Variants in CLIC5 observed in about 807,000 individuals in gnomAD.
CLIC5 encodes the protein CLIC family member 5, also known as chloride intracellular channel protein 5.
CLIC5 carries 20 observed loss-of-function variants against 24.7 expected under a neutral mutation model. The observed-to-expected ratio is 0.81, with a 90% confidence interval of 0.57 to 1.18. The LOEUF (loss-of-function observed/expected upper bound fraction) is 1.18, where lower values mean the gene tolerates loss of function less well. Among genes scored for constraint, CLIC5 ranks in the 50% most tolerant of loss-of-function variants. The pLI, the probability that CLIC5 is intolerant of heterozygous loss-of-function variation, is 0.00. For missense variants in CLIC5, 341 were observed against 326.1 expected, an observed-to-expected ratio of 1.05 and a Z score of -0.35; for synonymous variants, 159 against 135.6, an observed-to-expected ratio of 1.17 and a Z score of -1.20.
intron 1 of CLIC5, among the ~76,000 whole-genome samples, chr6:45,978,280 G>A (rs573755129): frequency 2.0e-5 from 3 of 152,168 alleles, no homozygotes; most frequent in South Asian, 2.1e-4. Context: ...TTCCATATCC[G>A]AGAACTTAGT....
At chr6:46,069,605 C>T (rs1344487009) in intron 1 of CLIC5, among the ~76,000 whole-genome samples, 6 of 151,800 alleles carry the variant, frequency 4.0e-5, no homozygotes, top group Non-Finnish European at 5.9e-5. Context: ...AAAAAAAAGC[C>T]CATGACCAGA....
At chr6:45,935,327 G>A (rs1763891461) in intron 4 of CLIC5, among the ~76,000 whole-genome samples, 2 of 152,232 alleles carry the variant, frequency 1.3e-5, no homozygotes, top group Admixed American at 6.5e-5. Flanking sequence ...CTTGCTAGAG[G>A]TGGAGGCACT....
chr6:45,958,447 T>C (rs372554436), intron 1 of CLIC5, among the ~76,000 whole-genome samples: 10,300 of 72,158 alleles, frequency 0.14, 1,866 homozygotes, highest in African/African-American at 0.37. Flanking sequence ...TATATATATA[T>C]ATATATATAT....
At chr6:46,028,540 C>T (rs1767406721) in intron 1 of CLIC5, among the ~76,000 whole-genome samples, 1 of 152,180 alleles carries the variant, frequency 6.6e-6, no homozygotes, top group Non-Finnish European at 1.5e-5. Context: ...TCCCATTTAT[C>T]AGTATTTGAA....
At chr6:45,962,208 A>G (rs1223236801) in intron 1 of CLIC5, among the ~76,000 whole-genome samples, 1 of 150,594 alleles carries the variant, frequency 6.6e-6, no homozygotes, top group Non-Finnish European at 1.5e-5. Context: ...ACACATATAT[A>G]TAATACATAT....
chr6:46,009,342 T>C (rs1242418857), intron 1 of CLIC5, among the ~76,000 whole-genome samples: 1 of 152,142 alleles, frequency 6.6e-6, no homozygotes, highest in African/African-American at 2.4e-5. Flanking sequence ...ACTTCTTTCT[T>C]GAAAGAAAAG....
chr6:46,129,258 C>T, the CLIC5 span, among the ~76,000 whole-genome samples: 44 of 152,296 alleles, frequency 2.9e-4, no homozygotes, highest in African/African-American at 9.1e-4. Context: ...AGATGCTATC[C>T]TCTCACTGCC....
chr6:46,028,051 C>T (rs926600497), intron 1 of CLIC5, among the ~76,000 whole-genome samples: 4 of 152,178 alleles, frequency 2.6e-5, no homozygotes, highest in African/African-American at 4.8e-5. Context: ...ATTAACACAG[C>T]GCAAAGTCAC....
the CLIC5 span, among the ~76,000 whole-genome samples, chr6:46,109,915 C>T: frequency 6.6e-6 from 1 of 152,018 alleles, no homozygotes; most frequent in Non-Finnish European, 1.5e-5. Flanking sequence ...TCTAAAACCC[C>T]TTGTGGCCTT....
In CLIC5 at chr6:45,914,294, C is replaced by T. The variant is rs1762931408; in HGVS notation, c.522G>A (p.Lys174=). 1.4e-5 allele frequency: 22 copies of T among 1,608,758 alleles called. No individual in the cohort carries two copies. The highest frequency in any genetic ancestry group is 1.9e-5 in the Non-Finnish European group (22 of 1,176,430). ...GGGTCAGCTCATCCCCATCCAGGAACTTGCGCCGGGACCCCTTGTCTTCCC... is the reference window on the plus strand; with the variant it reads ...GGGTCAGCTCATCCCCATCCAGGAATTTGCGCCGGGACCCCTTGTCTTCCC... ...TCGEDKGSRR[K]FLDGDELTLA... Residue 174 remains lysine, a synonymous_variant, in exon 5 of 6, where the codon AAG becomes AAA. Coordinates refer to ENST00000339561, the MANE Select transcript of CLIC5 (RefSeq NM_016929.5).
At chr6:46,075,050 T>C (rs925829612) in intron 1 of CLIC5, among the ~76,000 whole-genome samples, 18 of 152,214 alleles carry the variant, frequency 1.2e-4, no homozygotes, top group African/African-American at 4.1e-4. Flanking sequence ...TTTATCACAA[T>C]AAGTAATAAT....
chr6:46,017,956 A>G (rs1326923943), upstream of CLIC5, among the ~76,000 whole-genome samples: 1 of 152,228 alleles, frequency 6.6e-6, no homozygotes, highest in Non-Finnish European at 1.5e-5. Context: ...TTATAACTTA[A>G]TCAAGGTGAT....
intron 4 of CLIC5, among the ~76,000 whole-genome samples, chr6:45,916,629 A>G (rs1366587991): frequency 6.6e-6 from 1 of 152,220 alleles, no homozygotes; most frequent in Non-Finnish European, 1.5e-5. Flanking sequence ...GCTGTTGCAC[A>G]AGTCTGTGCC....
chr6:46,124,312 G>A, the CLIC5 span, among the ~76,000 whole-genome samples: 3 of 152,148 alleles, frequency 2.0e-5, no homozygotes, highest in Non-Finnish European at 4.4e-5. Context: ...TGACAAACCT[G>A]ACAAAAACAA....
chr6:46,080,085 G>C, exon 1 of CLIC5: 1 of 1,551,666 alleles, frequency 6.4e-7, no homozygotes, highest in South Asian at 1.2e-5. Flanking sequence ...ATACTCATGG[G>C]TATTCAGCTG....
intron 2 of CLIC5, among the ~76,000 whole-genome samples, chr6:45,950,398 C>CAA (rs34422403): frequency 2.0e-4 from 24 of 122,380 alleles, no homozygotes; most frequent in East Asian, 1.7e-3. Context: ...CCCATCTTTA[C>CAA]AAAAAAAAAA....
chr6:45,937,513 G>C (rs1419985244), intron 4 of CLIC5: 1 of 152,188 alleles, frequency 6.6e-6, no homozygotes, highest in Non-Finnish European at 1.5e-5. Context: ...AGAAGTGCTG[G>C]GATTCAAACC....
the CLIC5 span, among the ~76,000 whole-genome samples, chr6:46,101,319 C>G: frequency 2.0e-4 from 30 of 152,288 alleles, no homozygotes; most frequent in African/African-American, 7.2e-4. Flanking sequence ...TTCAAATTTG[C>G]TACCTATAAC....
chr6:45,999,107 C>T (rs1766256759), intron 1 of CLIC5, among the ~76,000 whole-genome samples: 1 of 152,116 alleles, frequency 6.6e-6, no homozygotes, highest in Non-Finnish European at 1.5e-5. Context: ...CCCATGGGAC[C>T]TCACACAGTG....
Sources: allele counts gnomAD v4.1 joint callset (sites outside exome capture counted in the v4.1 genomes callset), GRCh38; gene constraint gnomAD v4.1.1; transcripts MANE v1.5; gene names NCBI Gene and HGNC (gene_info 2026-07-23, HGNC 2026-07-21).